The following AR variants were observed in gnomAD, a reference collection of about 807,000 sequenced individuals.
AR encodes androgen receptor.
AR carries 8 observed loss-of-function variants against 53.9 expected under a neutral mutation model. That is an observed-to-expected ratio of 0.15 (90% CI 0.09 to 0.27). AR has a LOEUF of 0.27. Ranked by LOEUF, AR falls within the 10% of genes least tolerant of loss-of-function variation. The pLI, the probability that AR is intolerant of heterozygous loss-of-function variation, is 1.00. For synonymous variants in AR, 359 were observed against 316.4 expected (o/e 1.13, Z -1.43); for missense variants, 639 against 742.5 (o/e 0.86, Z 1.62).
chrX:67,655,434 C>A (rs767116409), intron 2 of AR, among the ~76,000 whole-genome samples: 7 of 111,344 alleles, frequency 6.3e-5, no homozygotes, highest in East Asian at 2.8e-4. Context: ...AAAGAGTTTT[C>A]TTTGTCTCTT....
chrX:67,677,720 T>C (rs2147486530), intron 2 of AR, among the ~76,000 whole-genome samples: 1 of 111,523 alleles, frequency 9.0e-6, no homozygotes, highest in African/African-American at 3.3e-5. Context: ...ACCTGAGTTT[T>C]GGTTCCATCT....
chrX:67,694,579 A>G, intron 3 of AR: 1 of 1,064,552 alleles, frequency 9.4e-7, no homozygotes. Flanking sequence ...TTCCTATGTT[A>G]GAGGATCTGT....
At chrX:67,556,184 T>C (rs1205475842) in intron 1 of AR, among the ~76,000 whole-genome samples, 1 of 111,692 alleles carries the variant, frequency 9.0e-6, no homozygotes, top group African/African-American at 3.3e-5. Flanking sequence ...TTATTCCCAT[T>C]ATAAAAATTG....
chrX:67,544,765 G>T lies in AR; in HGVS notation c.-382G>T. ...AAACAAAACAAACAAAAACAAAAAA[G>T]CCGAAATAAAAGAAAAAGATAATAA... On this transcript the variant is annotated 5_prime_UTR_variant, in exon 1 of 8. Coordinates refer to ENST00000374690, the MANE Select transcript of AR (RefSeq NM_000044.6). 1 of 187,471 alleles carries T rather than the reference G, an allele frequency of 5.3e-6. No homozygotes were observed. Among genetic ancestry groups the T allele is most frequent in the Non-Finnish European group, 1.0e-5 (1 of 100,271 alleles). The allele number at this position is 187,471 out of a possible 1,213,427, so 15.4% of individuals were successfully genotyped here.
intron 4 of AR, among the ~76,000 whole-genome samples, chrX:67,713,215 T>C (rs992431821): frequency 9.1e-6 from 1 of 110,467 alleles, no homozygotes; most frequent in Non-Finnish European, 1.9e-5. Flanking sequence ...CTTAGATTTG[T>C]ATTTCCAACT....
intron 1 of AR, chrX:67,568,954 C>T (rs1456577775): frequency 3.3e-6 from 4 of 1,208,190 alleles, no homozygotes; most frequent in Non-Finnish European, 4.5e-6. Context: ...TACAGGGAAC[C>T]AGGGAAACGA....
intron 2 of AR, among the ~76,000 whole-genome samples, chrX:67,672,364 G>A (rs2075870840): frequency 9.0e-6 from 1 of 110,749 alleles, no homozygotes; most frequent in African/African-American, 3.3e-5. Flanking sequence ...GATAACTAAG[G>A]GCTTACTCCT....
At chrX:67,654,364 T>TAA (rs1397371040) in intron 2 of AR, among the ~76,000 whole-genome samples, 1 of 111,243 alleles carries the variant, frequency 9.0e-6, no homozygotes, top group Non-Finnish European at 1.9e-5. Context: ...TGGGTTGGCA[T>TAA]AAGATTTCAC....
intron 1 of AR, among the ~76,000 whole-genome samples, chrX:67,595,570 G>T (rs374637516): frequency 6.5e-5 from 7 of 107,369 alleles, no homozygotes; most frequent in East Asian, 2.9e-4. Flanking sequence ...TCATTAGAAA[G>T]ATTTTTTTTT....
At chrX:67,561,695 C>T (rs1602156297) in intron 1 of AR, among the ~76,000 whole-genome samples, 1 of 111,237 alleles carries the variant, frequency 9.0e-6, no homozygotes, top group East Asian at 2.9e-4. Context: ...TTGTCTTGCT[C>T]TGTTAAATTC....
At chrX:67,679,411 A>C (rs2075919743) in intron 2 of AR, among the ~76,000 whole-genome samples, 1 of 111,889 alleles carries the variant, frequency 8.9e-6, no homozygotes, top group Admixed American at 9.5e-5. Flanking sequence ...TCATTCCCCT[A>C]ATGTTAGACA....
chrX:67,566,300 C>T (rs1414278920), intron 1 of AR, among the ~76,000 whole-genome samples: 1 of 111,536 alleles, frequency 9.0e-6, no homozygotes, highest in East Asian at 2.8e-4. Context: ...CATCTCAGGC[C>T]TCTAAAATCT....
chrX:67,710,432 C>A (rs1454246392), intron 3 of AR, among the ~76,000 whole-genome samples: 1 of 111,216 alleles, frequency 9.0e-6, no homozygotes, highest in Non-Finnish European at 1.9e-5. Flanking sequence ...GGAATCCTTC[C>A]ACCTCTGCCT....
chrX:67,711,761 C>T (rs1177432364), intron 4 of AR, 72 bp downstream of exon 4: 3 of 1,046,484 alleles, frequency 2.9e-6, no homozygotes, highest in Admixed American at 5.9e-5. Flanking sequence ...GGACCAGCCA[C>T]CATGTCTGGT....
rs1410297078 is a variant in AR at position 67,643,287 on chromosome X, A to C, written c.1648A>C (p.Ile550Leu). The change falls in exon 2 of 8, where the codon ATT becomes CTT. Residue 550 changes from isoleucine (I) to leucine (L), a missense_variant. Physicochemically the swap from Ile to Leu is conservative, Grantham distance 5 (BLOSUM62 2). Around this residue, in one of 5 missense-constraint regions of AR, gnomAD observed 423 missense variants for 377.0 expected, o/e 1.12. Coordinates refer to ENST00000374690, the MANE Select transcript of AR (RefSeq NM_000044.6). ...GACTGCCAGGGACCATGTTTTGCCCATTGACTATTACTTTCCACCCCAGAA... is the reference window on the plus strand; with the variant it reads ...GACTGCCAGGGACCATGTTTTGCCCCTTGACTATTACTTTCCACCCCAGAA... The part of the protein sequence containing the change: ...LETARDHVLP[I>L]DYYFPPQKTC... 1 of 1,209,641 alleles carries C rather than the reference A, an allele frequency of 8.3e-7. No homozygotes were observed. The highest frequency in any genetic ancestry group is 1.8e-5 in the African/African-American group (1 of 57,128).
chrX:67,692,330 C>A (rs1314891763), intron 3 of AR, among the ~76,000 whole-genome samples: 1 of 112,659 alleles, frequency 8.9e-6, no homozygotes, highest in Non-Finnish European at 1.9e-5. Context: ...CTGAGAAGTG[C>A]TGCTTCCTAC....
At chrX:67,639,801 A>C (rs1484656310) in intron 1 of AR, among the ~76,000 whole-genome samples, 1 of 111,427 alleles carries the variant, frequency 9.0e-6, no homozygotes, top group Non-Finnish European at 1.9e-5. Flanking sequence ...CTATTTGAAT[A>C]TCCTTTATTG....
intron 1 of AR, among the ~76,000 whole-genome samples, chrX:67,642,132 T>G (rs1310491770): frequency 9.0e-6 from 1 of 111,695 alleles, no homozygotes; most frequent in Admixed American, 9.5e-5. Flanking sequence ...TTTCCTTCAT[T>G]CCTTAGTAAG....
chrX:67,569,420 G>T (rs1257214418), intron 1 of AR, among the ~76,000 whole-genome samples: 1 of 111,230 alleles, frequency 9.0e-6, no homozygotes, highest in Non-Finnish European at 1.9e-5. Context: ...TTTGATGTTT[G>T]TATGTGATTG....
Sources: gnomAD v4.1 joint callset for allele counts (sites outside exome capture counted in the v4.1 genomes callset) on GRCh38, gnomAD v4.1.1 for gene constraint, gnomAD v4.1.1 regional missense constraint, MANE v1.5 for transcripts, NCBI Gene and HGNC (gene_info 2026-07-23, HGNC 2026-07-21) for gene names.